LAMP1: variants seen among roughly 807,000 people sequenced by gnomAD.
LAMP1 encodes the protein lysosome associated membrane protein 1, also known as lysosome-associated membrane glycoprotein 1.
In LAMP1, 7 loss-of-function variants were observed where a neutral mutation model predicts 37.5. That is an observed-to-expected ratio of 0.19 (90% CI 0.11 to 0.35). LAMP1 has a LOEUF of 0.35. Ranked by LOEUF, LAMP1 falls within the 10% of genes least tolerant of loss-of-function variation. The probability of loss-of-function intolerance (pLI) is 1.00; values close to 1 mark genes in which losing one functional copy is unlikely to be tolerated. For synonymous variants in LAMP1, 236 were observed against 229.1 expected, an observed-to-expected ratio of 1.03 and a Z score of -0.27; for missense variants, 537 against 552.8, an observed-to-expected ratio of 0.97 and a Z score of 0.29.
intron 1 of LAMP1, chr13:113,305,209 C>T (rs143241152): frequency 4.6e-5 from 7 of 152,320 alleles, no homozygotes; most frequent in Admixed American, 6.5e-5. Context: ...GCCTGAGTTG[C>T]ATTTACACTT....
Position 113,297,590 on chromosome 13 carries a change from G to A in LAMP1, c.61+95G>A, listed in dbSNP as rs112979574. On this transcript the variant is annotated intron_variant, in intron 1 of 8. Coordinates refer to ENST00000332556, the MANE Select transcript of LAMP1 (RefSeq NM_005561.4). This position sits in a 1 kb window ranked among gnomAD's most constrained non-coding sequence, Gnocchi z 4.4. The stretch of plus-strand genomic sequence containing the variant: ...CGGGGGACTGCCGGGTCGTTGTCCC[G>A]CGGGTCGCCCCGCACCCACTGCTCC... 3.1e-5 allele frequency: 35 copies of A among 1,144,566 alleles called. No homozygotes were observed. In the African/African-American group the frequency reaches 4.0e-4, roughly 13 times the overall value. 70.9% of individuals were successfully genotyped at this position (1,144,566 alleles called of 1,614,324 possible).
intron 1 of LAMP1, among the ~76,000 whole-genome samples, chr13:113,302,731 G>A (rs1278637372): frequency 6.6e-6 from 1 of 152,182 alleles, no homozygotes; most frequent in African/African-American, 2.4e-5. Flanking sequence ...CACCCAGCCA[G>A]TGTTTCCTCA....
At chr13:113,310,649 A>G in intron 3 of LAMP1, 60 bp from the exon 4 acceptor site, 1 of 1,247,242 alleles carries the variant, frequency 8.0e-7, no homozygotes, top group Non-Finnish European at 1.1e-6. Flanking sequence ...AAAATAAAAA[A>G]CACATAAACT....
In LAMP1 at chr13:113,322,454, C is replaced by T. The variant is rs774912689; in HGVS notation, c.*33C>T. The T allele has an allele frequency of 1.9e-6, 3 of 1,578,408 alleles. No homozygotes were observed. Among genetic ancestry groups the T allele is most frequent in the Non-Finnish European group, 2.6e-6 (3 of 1,156,962 alleles). ...CACGCAGGCACAGCAGCTGCAGGGG[C>T]CTCTGTTCCTTTCTCTGGGCTTAGG... is the stretch of plus-strand genomic sequence containing the variant. On this transcript the variant is annotated 3_prime_UTR_variant, in exon 9 of 9. Coordinates refer to ENST00000332556, the MANE Select transcript of LAMP1 (RefSeq NM_005561.4).
intron 1 of LAMP1, among the ~76,000 whole-genome samples, chr13:113,299,198 T>C (rs2042557786): frequency 6.6e-6 from 1 of 152,172 alleles, no homozygotes; most frequent in Non-Finnish European, 1.5e-5. Flanking sequence ...CTCCCTAATA[T>C]TGTGATTGGA....
chr13:113,301,694 TACAC>T (rs200969821), intron 1 of LAMP1, among the ~76,000 whole-genome samples: 4 of 139,158 alleles, frequency 2.9e-5, no homozygotes, highest in African/African-American at 5.3e-5. Flanking sequence ...TATATATATT[TACAC>T]ACACACACAC....
intron 1 of LAMP1, chr13:113,306,045 G>C (rs2042596571): frequency 6.4e-6 from 1 of 156,458 alleles, no homozygotes; most frequent in African/African-American, 2.4e-5. Context: ...CCATGTGTCT[G>C]GTTGTTCATT....
intron 4 of LAMP1, among the ~76,000 whole-genome samples, chr13:113,316,374 T>C (rs1277974233): frequency 6.6e-6 from 1 of 151,448 alleles, no homozygotes; most frequent in Non-Finnish European, 1.5e-5. Flanking sequence ...CTGTTAGGAG[T>C]TGAAAATGAA....
At chr13:113,301,641 AAAAATATATATATATATATATATAT>A (rs1182332558) in intron 1 of LAMP1, among the ~76,000 whole-genome samples, 3,667 of 30,410 alleles carry the variant, frequency 0.12, 398 homozygotes, top group East Asian at 0.16. Context: ...AAAAAAAAAA[AAAAATATATATATATATATATATAT>A]ATATATATAT....
chr13:113,312,641 C>CA (rs759411056), intron 4 of LAMP1, among the ~76,000 whole-genome samples: 8 of 152,224 alleles, frequency 5.3e-5, no homozygotes, highest in Non-Finnish European at 1.2e-4. Flanking sequence ...CTTTAATCCT[C>CA]AACACAGGGC....
rs753286195 is a variant in LAMP1 at position 113,320,318 on chromosome 13, G to T, written c.751-27G>T. 6.2e-7 allele frequency: 1 copy of T among 1,613,826 alleles called. No homozygotes were observed. The highest frequency in any genetic ancestry group is 1.1e-5 in the South Asian group (1 of 91,078). On this transcript the variant is annotated intron_variant, in intron 5 of 8. Coordinates refer to ENST00000332556, the MANE Select transcript of LAMP1 (RefSeq NM_005561.4). This position sits in a 1 kb window ranked among gnomAD's most constrained non-coding sequence, Gnocchi z 4.4. ...GAGTGTGGAGGACCTGAGCTAGGGTGGTGACTTGCTTGCTTGTCTTATGCA... is the reference window on the plus strand; with the variant it reads ...GAGTGTGGAGGACCTGAGCTAGGGTTGTGACTTGCTTGCTTGTCTTATGCA...
At chr13:113,314,315 T>C (rs2042648415) in intron 4 of LAMP1, among the ~76,000 whole-genome samples, 1 of 125,224 alleles carries the variant, frequency 8.0e-6, no homozygotes, top group Non-Finnish European at 1.6e-5. Context: ...GGGCGTGGCC[T>C]CCTGGAGGGA....
chr13:113,309,357 T>C (rs1308621112), intron 2 of LAMP1, among the ~76,000 whole-genome samples: 1 of 152,174 alleles, frequency 6.6e-6, no homozygotes, highest in Non-Finnish European at 1.5e-5. Context: ...CACCTCAGCC[T>C]CCCAGAGTGT....
In LAMP1 at chr13:113,322,629, C is replaced by A; in HGVS notation, c.*208C>A. ...TTTGCTAACTGGGTTAAATATTTTG[C>A]TAACTGGTTAAACATTAATATTTAC... On this transcript the variant is annotated 3_prime_UTR_variant, in exon 9 of 9. Coordinates refer to ENST00000332556, the MANE Select transcript of LAMP1 (RefSeq NM_005561.4). 2.7e-6 allele frequency: 1 copy of A among 363,924 alleles called. No individual in the cohort carries two copies. Among genetic ancestry groups the A allele is most frequent in the Non-Finnish European group, 4.9e-6 (1 of 205,634 alleles). The allele number at this position is 363,924 out of a possible 1,614,324, so 22.5% of individuals were successfully genotyped here. A position where few individuals can be genotyped will look rare whatever the true frequency, so the allele number is the denominator to read the frequency against.
chr13:113,316,390 C>A (rs1225064413), intron 4 of LAMP1, among the ~76,000 whole-genome samples: 1 of 151,252 alleles, frequency 6.6e-6, no homozygotes, highest in Non-Finnish European at 1.5e-5. Flanking sequence ...ATGAAGGTCA[C>A]CGTGTCTCAT....
Position 113,323,646 on chromosome 13 carries a change from C to T in LAMP1, c.*1225C>T, listed in dbSNP as rs1456051216. 1 of 151,792 alleles carries T rather than the reference C, an allele frequency of 6.6e-6. No individual in the cohort carries two copies. The highest frequency in any genetic ancestry group is 1.5e-5 in the Non-Finnish European group (1 of 67,970). 9.4% of individuals were successfully genotyped at this position (151,792 alleles called of 1,614,324 possible). A position where few individuals can be genotyped will look rare whatever the true frequency, so the allele number is the denominator to read the frequency against. On this transcript the variant is annotated 3_prime_UTR_variant, in exon 9 of 9. Coordinates refer to ENST00000332556, the MANE Select transcript of LAMP1 (RefSeq NM_005561.4). Reference sequence around the variant, plus strand: ...TCATGTAACATGATAATTTTTAAATCATTAAAAAAATTACCTTTCATACAG... The same window carrying T: ...TCATGTAACATGATAATTTTTAAATTATTAAAAAAATTACCTTTCATACAG...
chr13:113,298,193 A>G (rs1429565640), intron 1 of LAMP1, among the ~76,000 whole-genome samples: 1 of 152,180 alleles, frequency 6.6e-6, no homozygotes, highest in Non-Finnish European at 1.5e-5. Flanking sequence ...TAGTTTAAAG[A>G]GCGCCGTTCC....
intron 8 of LAMP1, 146 bp from the exon 9 acceptor site, chr13:113,322,136 C>T: frequency 1.1e-6 from 1 of 910,146 alleles, no homozygotes; most frequent in South Asian, 1.7e-5. Flanking sequence ...AGCGGCTTCC[C>T]CAAGTGACAA....
intron 5 of LAMP1, among the ~76,000 whole-genome samples, chr13:113,319,943 C>T (rs1228396088): frequency 3.9e-5 from 6 of 152,228 alleles, no homozygotes. Flanking sequence ...CTGATAGAAC[C>T]TAAGTTTTCT....
Sources: allele counts gnomAD v4.1 joint callset (sites outside exome capture counted in the v4.1 genomes callset), GRCh38; gene constraint gnomAD v4.1.1; non-coding constraint Gnocchi (gnomAD v3.1); transcripts MANE v1.5; gene names NCBI Gene and HGNC (gene_info 2026-07-23, HGNC 2026-07-21).